Variants in GALNT13 observed in about 807,000 individuals in gnomAD.
GALNT13 encodes UDP-GalNAc:polypeptide N-acetylgalactosaminyltransferase 13.
Under a neutral mutation model 64.2 loss-of-function variants are expected in GALNT13, and 28 were observed. The observed-to-expected ratio is 0.44, with a 90% confidence interval of 0.32 to 0.60. GALNT13 has a LOEUF of 0.60. Among genes scored for constraint, GALNT13 ranks in the 20% least tolerant of loss-of-function variants. The pLI is 0.05. For synonymous variants in GALNT13, 214 were observed against 224.6 expected (o/e 0.95, Z 0.42); for missense variants, 577 against 669.8 (o/e 0.86, Z 1.53).
chr2:153,343,153 G>A, the GALNT13 span, among the ~76,000 whole-genome samples: 1 of 152,076 alleles, frequency 6.6e-6, no homozygotes, highest in Non-Finnish European at 1.5e-5. Flanking sequence ...CTACTTAGTT[G>A]CCTGCTGGTG....
the GALNT13 span, among the ~76,000 whole-genome samples, chr2:153,806,938 A>C: frequency 6.6e-6 from 1 of 152,024 alleles, no homozygotes; most frequent in Non-Finnish European, 1.5e-5. Flanking sequence ...ATAATGAAAC[A>C]TAGAAATGAT....
chr2:154,220,099 A>G (rs1688248367), intron 4 of GALNT13, among the ~76,000 whole-genome samples: 2 of 152,070 alleles, frequency 1.3e-5, no homozygotes, highest in Admixed American at 1.3e-4. Flanking sequence ...CAAATGGGCT[A>G]TGCAAGCAAT....
the GALNT13 span, among the ~76,000 whole-genome samples, chr2:153,554,656 A>G: frequency 4.0e-4 from 58 of 146,260 alleles, no homozygotes; most frequent in African/African-American, 1.3e-3. Context: ...GATGCTGTAT[A>G]TGTGTGTGTG....
the GALNT13 span, among the ~76,000 whole-genome samples, chr2:153,080,666 C>G: frequency 3.9e-5 from 6 of 151,992 alleles, no homozygotes; most frequent in African/African-American, 1.4e-4. Flanking sequence ...TTTCTATAGT[C>G]TTACAATTTT....
At chr2:154,227,094 T>G (rs914243435) in intron 4 of GALNT13, among the ~76,000 whole-genome samples, 1 of 152,090 alleles carries the variant, frequency 6.6e-6, no homozygotes, top group African/African-American at 2.4e-5. Context: ...ATATCATCTC[T>G]CGTAGTCAGG....
chr2:154,356,245 T>C (rs1293020752), intron 9 of GALNT13, among the ~76,000 whole-genome samples: 1 of 152,006 alleles, frequency 6.6e-6, no homozygotes, highest in Non-Finnish European at 1.5e-5. Flanking sequence ...TCCTTAGAAC[T>C]CTTTTTAAAA....
At chr2:153,838,136 T>C in the GALNT13 span, among the ~76,000 whole-genome samples, 1 of 152,012 alleles carries the variant, frequency 6.6e-6, no homozygotes, top group Non-Finnish European at 1.5e-5. Flanking sequence ...GTTCTTTATA[T>C]ATTTCGAATG....
At chr2:153,647,297 T>G in the GALNT13 span, among the ~76,000 whole-genome samples, 1 of 152,218 alleles carries the variant, frequency 6.6e-6, no homozygotes, top group Non-Finnish European at 1.5e-5. Context: ...CTTCACCCAC[T>G]TGTTGATGGG....
chr2:154,135,685 C>T (rs1010364), intron 3 of GALNT13, among the ~76,000 whole-genome samples: 30,486 of 151,982 alleles, frequency 0.2, 3,992 homozygotes, highest in Middle Eastern at 0.32. Flanking sequence ...CCCTGAGCCA[C>T]GTGTGATGGT....
intron 8 of GALNT13, among the ~76,000 whole-genome samples, chr2:154,290,970 G>T (rs1692586192): frequency 6.6e-6 from 1 of 152,050 alleles, no homozygotes; most frequent in South Asian, 2.1e-4. Context: ...GGCTTCAGGA[G>T]TGAAGCTACA....
At chr2:153,652,365 A>G in the GALNT13 span, among the ~76,000 whole-genome samples, 1 of 152,168 alleles carries the variant, frequency 6.6e-6, no homozygotes, top group Non-Finnish European at 1.5e-5. Flanking sequence ...TCATGCCTGT[A>G]ATCCCAGCAC....
the GALNT13 span, among the ~76,000 whole-genome samples, chr2:153,212,398 G>C: frequency 6.6e-6 from 1 of 152,086 alleles, no homozygotes; most frequent in Non-Finnish European, 1.5e-5. Flanking sequence ...AGAACAGTGT[G>C]TTCTTCCTAT....
the GALNT13 span, among the ~76,000 whole-genome samples, chr2:153,106,348 T>C: frequency 6.6e-6 from 1 of 152,220 alleles, no homozygotes. Flanking sequence ...TTTCTGAACT[T>C]AACCCGTCTG....
chr2:153,636,530 A>C, the GALNT13 span, among the ~76,000 whole-genome samples: 1 of 152,178 alleles, frequency 6.6e-6, no homozygotes, highest in South Asian at 2.1e-4. Flanking sequence ...CTTTAAATTC[A>C]AACGTTCTCC....
At chr2:153,598,347 A>G in the GALNT13 span, among the ~76,000 whole-genome samples, 23 of 151,818 alleles carry the variant, frequency 1.5e-4, no homozygotes, top group South Asian at 1.0e-3. Context: ...TTGTACTTAC[A>G]TTTCCCCTTC....
the GALNT13 span, among the ~76,000 whole-genome samples, chr2:153,553,378 TG>T: frequency 1.3e-5 from 2 of 150,634 alleles, no homozygotes; most frequent in African/African-American, 2.5e-5. Flanking sequence ...TGCCTGTGCC[TG>T]TAGTCCCAGC....
the GALNT13 span, among the ~76,000 whole-genome samples, chr2:153,798,779 C>G: frequency 6.6e-6 from 1 of 152,120 alleles, no homozygotes; most frequent in East Asian, 1.9e-4. Context: ...TGTCATACTT[C>G]TGGTGTATTT....
At chr2:153,966,968 A>T (rs765353470) in intron 3 of GALNT13, among the ~76,000 whole-genome samples, 1 of 151,698 alleles carries the variant, frequency 6.6e-6, no homozygotes, top group Non-Finnish European at 1.5e-5. Flanking sequence ...TCTATCTTCA[A>T]GTTTACTAAT....
chr2:153,537,963 G>C, the GALNT13 span, among the ~76,000 whole-genome samples: 1 of 152,186 alleles, frequency 6.6e-6, no homozygotes, highest in African/African-American at 2.4e-5. Flanking sequence ...ACCAGAAGTG[G>C]ATTGCTGTTA....
Sources: gnomAD v4.1 joint callset for allele counts (sites outside exome capture counted in the v4.1 genomes callset) on GRCh38, gnomAD v4.1.1 for gene constraint, MANE v1.5 for transcripts, NCBI Gene and HGNC (gene_info 2026-07-23, HGNC 2026-07-21) for gene names.